TRHR: variants seen among roughly 807,000 people sequenced by gnomAD.
TRHR encodes the protein thyrotropin-releasing hormone receptor.
TRHR carries 14 observed loss-of-function variants against 28.0 expected under a neutral mutation model. That is an observed-to-expected ratio of 0.50 (90% confidence interval 0.33 to 0.78). TRHR has a LOEUF of 0.78. TRHR is among the 30% of genes least tolerant of loss of function. The pLI, the probability that TRHR is intolerant of heterozygous loss-of-function variation, is 0.02. For missense variants in TRHR, 438 were observed against 469.5 expected (o/e 0.93, Z 0.62); for synonymous variants, 176 against 171.9 (o/e 1.02, Z -0.18).
chr8:109,108,599 A>G (rs1444868907), intron 2 of TRHR, among the ~76,000 whole-genome samples: 1 of 152,204 alleles, frequency 6.6e-6, no homozygotes, highest in African/African-American at 2.4e-5. Flanking sequence ...AGCAAGCTAT[A>G]TTAGGGCAGA....
Position 109,119,864 on chromosome 8 carries a change from T to C in TRHR, c.*409T>C, listed in dbSNP as rs1391705018. On this transcript the variant is annotated 3_prime_UTR_variant, in exon 3 of 3. Coordinates refer to ENST00000518632, the MANE Select transcript of TRHR (RefSeq NM_003301.7). ...ATTCGATAATTTGACAACATGCAGA[T>C]TTTTAAATGTTTGCATTTAGTATTC... 1.3e-5 allele frequency among the ~76,000 whole-genome samples: 2 copies of C among 151,902 alleles called. No individual in the cohort carries two copies. The highest frequency in any genetic ancestry group is 4.8e-5 in the African/African-American group (2 of 41,400).
chr8:109,111,062 G>T (rs1811824809), intron 2 of TRHR, among the ~76,000 whole-genome samples: 2 of 152,038 alleles, frequency 1.3e-5, no homozygotes, highest in Non-Finnish European at 2.9e-5. Context: ...TGAGGCAAGA[G>T]AATCGCTTGA....
chr8:109,116,650 C>A (rs1188121315), intron 2 of TRHR, among the ~76,000 whole-genome samples: 3 of 151,958 alleles, frequency 2.0e-5, no homozygotes, highest in Non-Finnish European at 4.4e-5. Flanking sequence ...GTGGTGATAT[C>A]CCCTTTATCA....
intron 2 of TRHR, among the ~76,000 whole-genome samples, chr8:109,090,983 A>C (rs1273950723): frequency 6.6e-6 from 1 of 152,220 alleles, no homozygotes; most frequent in Non-Finnish European, 1.5e-5. Context: ...CCAGACAATC[A>C]GGCAAAGAAA....
chr8:109,105,316 G>T (rs1462170474), intron 2 of TRHR, among the ~76,000 whole-genome samples: 1 of 152,128 alleles, frequency 6.6e-6, no homozygotes, highest in Non-Finnish European at 1.5e-5. Flanking sequence ...TCCCACACTT[G>T]CCAATGGTAC....
chr8:109,097,536 G>A (rs548037076), intron 2 of TRHR, among the ~76,000 whole-genome samples: 23 of 152,190 alleles, frequency 1.5e-4, no homozygotes, highest in African/African-American at 4.8e-4. Context: ...AAAGATCTAC[G>A]TTAAAACATA....
Position 109,119,051 on chromosome 8 carries a change from A to T in TRHR, c.793A>T (p.Thr265Ser), listed in dbSNP as rs770502116. The stretch of plus-strand genomic sequence containing the variant: ...ATTTCTCTCTATTTCTCCCTAGGTC[A>T]CCAAGATGCTGGCAGTGGTTGTAAT... ...NSTVSSRKQV[T>S]KMLAVVVILF... The change falls in exon 3 of 3, where the codon ACC becomes TCC. Residue 265 changes from threonine (T) to serine (S), a missense_variant. Transcript: ENST00000518632. 6.2e-7 allele frequency: 1 copy of T among 1,612,442 alleles called. No homozygotes were observed. The highest frequency in any genetic ancestry group is 1.3e-5 in the African/African-American group (1 of 74,718).
In TRHR at chr8:109,099,963, G is replaced by C. The variant is rs182545267; in HGVS notation, c.789+11662G>C. Among the ~76,000 whole-genome samples the C allele has an allele frequency of 1.3e-4, 20 of 152,290 alleles. No individual in the cohort carries two copies. In the East Asian group the frequency reaches 3.7e-3, roughly 28 times the overall value. On this transcript the variant is annotated intron_variant, in intron 2 of 2. Transcript: ENST00000518632. ...AGAAAATAAGGAAGTGGCTCAGTGAGAGAGGTGGCACAATTGTGAGAGTGA... is the reference window on the plus strand; with the variant it reads ...AGAAAATAAGGAAGTGGCTCAGTGACAGAGGTGGCACAATTGTGAGAGTGA...
At chr8:109,115,529 CCTTGT>C (rs1301633750) in intron 2 of TRHR, among the ~76,000 whole-genome samples, 1 of 152,020 alleles carries the variant, frequency 6.6e-6, no homozygotes, top group East Asian at 1.9e-4. Flanking sequence ...CCTTCACATC[CCTTGT>C]AAGTTGGATT....
chr8:109,100,340 G>A (rs2129898730), intron 2 of TRHR, among the ~76,000 whole-genome samples: 1 of 152,194 alleles, frequency 6.6e-6, no homozygotes, highest in East Asian at 1.9e-4. Context: ...GGAATCAATT[G>A]GAAATCTCTC....
At position 109,087,706 on chromosome 8, in the gene TRHR, T is replaced by G. The variant is rs768788934; in HGVS notation, c.194T>G (p.Val65Gly). Residue 65 changes from valine (V) to glycine (G), a missense_variant, in exon 2 of 3, where the codon GTG becomes GGG. Val to Gly is a moderately radical substitution (Grantham distance 109). Coordinates refer to ENST00000518632, the MANE Select transcript of TRHR (RefSeq NM_003301.7). ...HMRTPTNCYL[V>G]SLAVADLMVL... ...AGGACCCCCACAAACTGCTACCTGG[T>G]GAGCCTGGCAGTAGCTGATCTCATG... 7 of 1,614,110 alleles carry G rather than the reference T, an allele frequency of 4.3e-6. No homozygotes were observed. The highest frequency in any genetic ancestry group is 5.9e-6 in the Non-Finnish European group (7 of 1,180,010).
At chr8:109,118,993 G>A in intron 2 of TRHR, 55 bp from the exon 3 acceptor site, 1 of 1,607,670 alleles carries the variant, frequency 6.2e-7, no homozygotes, top group Non-Finnish European at 8.5e-7. Context: ...AAGAAAGGGG[G>A]TTTTGTTTTG....
intron 2 of TRHR, among the ~76,000 whole-genome samples, chr8:109,099,886 T>G (rs1235410858): frequency 6.6e-6 from 1 of 152,158 alleles, no homozygotes; most frequent in East Asian, 1.9e-4. Context: ...TATGAGGATT[T>G]ATGACTATGG....
At chr8:109,087,075 A>G (rs776222471) in intron 1 of TRHR, among the ~76,000 whole-genome samples, 192 bp downstream of exon 1, 4 of 152,116 alleles carry the variant, frequency 2.6e-5, no homozygotes, top group Non-Finnish European at 5.9e-5. Flanking sequence ...CTTCTTTATT[A>G]TACTTTTGCC....
At chr8:109,104,055 G>A (rs539084268) in intron 2 of TRHR, among the ~76,000 whole-genome samples, 1 of 152,184 alleles carries the variant, frequency 6.6e-6, no homozygotes, top group South Asian at 2.1e-4. Context: ...GAAAGATCTT[G>A]GTAGACTTTA....
At chr8:109,109,937 T>C (rs1418230138) in intron 2 of TRHR, among the ~76,000 whole-genome samples, 2 of 152,192 alleles carry the variant, frequency 1.3e-5, no homozygotes, top group African/African-American at 4.8e-5. Flanking sequence ...TAAGTTATTT[T>C]CCTAGAGAAC....
At chr8:109,113,761 A>G (rs528999831) in intron 2 of TRHR, among the ~76,000 whole-genome samples, 3 of 152,262 alleles carry the variant, frequency 2.0e-5, no homozygotes. Flanking sequence ...CTAAAAACAA[A>G]TAGGCAATAT....
intron 2 of TRHR, among the ~76,000 whole-genome samples, chr8:109,095,182 A>G (rs1811570645): frequency 6.6e-6 from 1 of 152,202 alleles, no homozygotes; most frequent in Non-Finnish European, 1.5e-5. Context: ...CTACAGGGAT[A>G]TATAAAGACA....
intron 2 of TRHR, among the ~76,000 whole-genome samples, chr8:109,100,218 T>C (rs1224406589): frequency 6.6e-6 from 1 of 152,140 alleles, no homozygotes; most frequent in Non-Finnish European, 1.5e-5. Flanking sequence ...CTGGTAGATT[T>C]TCTGTTTTAC....
Sources: gnomAD v4.1 joint callset for allele counts (sites outside exome capture counted in the v4.1 genomes callset) on GRCh38, gnomAD v4.1.1 for gene constraint, MANE v1.5 for transcripts, NCBI Gene and HGNC (gene_info 2026-07-23, HGNC 2026-07-21) for gene names.